Variants in JAKMIP1 observed in about 807,000 individuals in gnomAD.
JAKMIP1 encodes janus kinase and microtubule-interacting protein 1.
A neutral mutation model predicts 113.0 loss-of-function variants in JAKMIP1; 33 were observed. The observed-to-expected ratio is 0.29, with a 90% CI of 0.22 to 0.39. The LOEUF is 0.39. JAKMIP1 is among the 10% of genes least tolerant of loss of function. The pLI is 1.00. For synonymous variants in JAKMIP1, 480 were observed against 459.9 expected (o/e 1.04, Z -0.56); for missense variants, 813 against 1,080.5 (o/e 0.75, Z 3.47).
intron 1 of JAKMIP1, among the ~76,000 whole-genome samples, chr4:6,148,480 A>G (rs1176223843): frequency 6.6e-6 from 1 of 152,240 alleles, no homozygotes; most frequent in Non-Finnish European, 1.5e-5. Flanking sequence ...ACAGGACACC[A>G]CTTGGAATCG....
In JAKMIP1 at chr4:6,044,818, A is replaced by G. The variant is rs949790497; in HGVS notation, c.2029-2591T>C. ...AGAGAGCTGGCCATGAGGACCCCCG[A>G]CCACGTGAGATCAGAAATTTAATAT... On this transcript the variant is annotated intron_variant, in intron 16 of 20. Transcript: ENST00000409021. The surrounding 1 kb of genome is among the most constrained non-coding windows in gnomAD (Gnocchi z 4.4). Among the ~76,000 whole-genome samples the G allele has an allele frequency of 2.0e-5, 3 of 152,346 alleles. No individual in the cohort carries two copies. The highest frequency in any genetic ancestry group is 7.2e-5 in the African/African-American group (3 of 41,584).
At chr4:6,055,467 G>C (rs1376846159) in intron 12 of JAKMIP1, among the ~76,000 whole-genome samples, 1 of 152,246 alleles carries the variant, frequency 6.6e-6, no homozygotes, top group African/African-American at 2.4e-5. Flanking sequence ...TCCACAACCA[G>C]AAAGAGAAGA....
At position 6,112,716 on chromosome 4, in the gene JAKMIP1, C is replaced by T; in HGVS notation, c.129+6G>A. 1 of 1,613,320 alleles carries T rather than the reference C, an allele frequency of 6.2e-7. No homozygotes were observed. The highest frequency in any genetic ancestry group is 1.3e-5 in the African/African-American group (1 of 75,060). ...CAGCCGCTGCTGAGCTGACGCCAAC[C>T]CCCACCTTGCTTTTTTCCTGCTGGA... On this transcript the variant is annotated splice_donor_region_variant and intron_variant, in intron 2 of 20. Transcript: ENST00000409021.
In JAKMIP1 at chr4:6,031,299, G is replaced by T. The variant is rs751485192; in HGVS notation, c.2380-1518C>A. 1.2e-4 allele frequency among the ~76,000 whole-genome samples: 18 copies of T among 152,066 alleles called. No individual in the cohort carries two copies. The highest frequency in any genetic ancestry group is 2.5e-4 in the Non-Finnish European group (17 of 68,004). On this transcript the variant is annotated intron_variant, in intron 19 of 20. Transcript: ENST00000409021. The surrounding 1 kb of genome is among the most constrained non-coding windows in gnomAD (Gnocchi z 4.4). The stretch of plus-strand genomic sequence containing the variant: ...ACAAAAATGAGCCGGGCTTGGTGGT[G>T]CGCTCCTGTAGGGAGGCTGAGACAG...
rs1711774681 is a variant in JAKMIP1 at position 6,026,217 on chromosome 4, C to T, written c.*11G>A. On this transcript the variant is annotated 3_prime_UTR_variant, in exon 21 of 21. Transcript: ENST00000409021. ...AGGATACCAACCCGAGTTCTTGGCT[C>T]ACTGAAGTCATCAAGGCCACAGAAT... 6.5e-7 allele frequency: 1 copy of T among 1,548,802 alleles called. No individual in the cohort carries two copies. Among genetic ancestry groups the T allele is most frequent in the Non-Finnish European group, 8.7e-7 (1 of 1,146,082 alleles).
chr4:6,136,791 C>T lies in JAKMIP1; in HGVS notation c.-147-23794G>A, dbSNP rs1174310488. On this transcript the variant is annotated intron_variant, in intron 1 of 20. Transcript: ENST00000409021. The surrounding 1 kb of genome is among the most constrained non-coding windows in gnomAD (Gnocchi z 5.9). ...TGACCACAACCCACATCGTGGGGGT[C>T]CTGACTACACAGAAAGCCCTCGAGA... Among the ~76,000 whole-genome samples the T allele has an allele frequency of 6.6e-6, 1 of 152,202 alleles. No individual in the cohort carries two copies. Among genetic ancestry groups the T allele is most frequent in the Non-Finnish European group, 1.5e-5 (1 of 68,044 alleles).
chr4:6,129,312 AC>A lies in JAKMIP1; in HGVS notation c.-147-16316del, dbSNP rs1468108271. Reference sequence around the variant, plus strand: ...GTGGTCAGATGCTGGGCGTGGCCCCACCCCATGCCAGCCAGGAACCATTGAT... The same window carrying A: ...GTGGTCAGATGCTGGGCGTGGCCCCACCCATGCCAGCCAGGAACCATTGAT... On this transcript the variant is annotated intron_variant, in intron 1 of 20. Coordinates refer to ENST00000409021, the MANE Select transcript of JAKMIP1 (RefSeq NM_001099433.2). This position sits in a 1 kb window ranked among gnomAD's most constrained non-coding sequence, Gnocchi z 5.4. 2.0e-5 allele frequency among the ~76,000 whole-genome samples: 3 copies of A among 152,166 alleles called. No individual in the cohort carries two copies. Among genetic ancestry groups the A allele is most frequent in the African/African-American group, 7.2e-5 (3 of 41,432 alleles).
intron 8 of JAKMIP1, among the ~76,000 whole-genome samples, chr4:6,077,183 A>G (rs1719798073): frequency 6.6e-6 from 1 of 152,154 alleles, no homozygotes; most frequent in Non-Finnish European, 1.5e-5. Context: ...ATCATTGCAG[A>G]TGTAGTTAAA....
In JAKMIP1 at chr4:6,085,688, C is replaced by T. The variant is rs370155887; in HGVS notation, c.625-59G>A. 9 of 1,535,200 alleles carry T rather than the reference C, an allele frequency of 5.9e-6. No homozygotes were observed. In the African/African-American group the frequency reaches 9.6e-5, roughly 16 times the overall value. ...GGGGCTCATGACCAAGGAAATCTCT[C>T]CCCAAATTGGGGCCTTCGGCCCAGG... On this transcript the variant is annotated intron_variant, in intron 3 of 20. Coordinates refer to ENST00000409021, the MANE Select transcript of JAKMIP1 (RefSeq NM_001099433.2).
rs1349262517 is a variant in JAKMIP1, at chr4:6,055,027, GTCCCAAAT to G, written c.1708-887_1708-880del. Among the ~76,000 whole-genome samples the G allele has an allele frequency of 8.3e-3, 1,270 of 152,170 alleles. 20 individuals are homozygous for G. Among genetic ancestry groups the G allele is most frequent in the African/African-American group, 0.029 (1,221 of 41,496 alleles). ...GTTGCTCGCTGTCCCAAATGCCCTT[GTCCCAAAT>G]GCCCTTGAGAAATGCAGGGAAGGGA... On this transcript the variant is annotated intron_variant, in intron 12 of 20. Transcript: ENST00000409021.
rs1016356442 is a variant in JAKMIP1, at chr4:6,199,826, A to G, written c.-148+427T>C. ...CTACCCTGCGGAAGACACGGAGGGG[A>G]CGGGCCGGCCACACCCCCCGCGCCA... is the stretch of plus-strand genomic sequence containing the variant. On this transcript the variant is annotated intron_variant, in intron 1 of 20. Transcript: ENST00000409021. The surrounding 1 kb of genome is among the most constrained non-coding windows in gnomAD (Gnocchi z 5.6). Among the ~76,000 whole-genome samples, 1 of 150,536 alleles carries G rather than the reference A, an allele frequency of 6.6e-6. No homozygotes were observed. Among genetic ancestry groups the G allele is most frequent in the East Asian group, 2.0e-4 (1 of 5,022 alleles).
chr4:6,174,421 G>A (rs1018918164), intron 1 of JAKMIP1, among the ~76,000 whole-genome samples: 8 of 152,218 alleles, frequency 5.3e-5, no homozygotes, highest in African/African-American at 7.2e-5. Flanking sequence ...AGAAAGGACC[G>A]TGAATCCTTG....
chr4:6,074,543 G>A (rs62284783), intron 8 of JAKMIP1, among the ~76,000 whole-genome samples: 41,528 of 152,124 alleles, frequency 0.27, 6,397 homozygotes, highest in East Asian at 0.56. Flanking sequence ...GTCATCCTGC[G>A]GTACCCATGG....
chr4:6,133,336 A>G (rs1578337123), intron 1 of JAKMIP1, among the ~76,000 whole-genome samples: 1 of 152,372 alleles, frequency 6.6e-6, no homozygotes, highest in East Asian at 1.9e-4. Flanking sequence ...ACGTACAACC[A>G]TAAACATTTT....
chr4:6,098,599 AAAGG>A (rs1712308529), intron 3 of JAKMIP1, among the ~76,000 whole-genome samples: 1 of 149,760 alleles, frequency 6.7e-6, no homozygotes, highest in African/African-American at 2.5e-5. Context: ...AGGAAGAAAG[AAAGG>A]AAGAAAAGAA....
chr4:6,107,581 C>A (rs1225782237), intron 2 of JAKMIP1, among the ~76,000 whole-genome samples: 1 of 152,154 alleles, frequency 6.6e-6, no homozygotes, highest in African/African-American at 2.4e-5. Flanking sequence ...AGACCGAGGT[C>A]CCCTGCGGAA....
intron 1 of JAKMIP1, among the ~76,000 whole-genome samples, chr4:6,165,457 A>G (rs915571028): frequency 1.3e-5 from 2 of 152,122 alleles, no homozygotes; most frequent in East Asian, 1.9e-4. Context: ...GGTGCACACC[A>G]CCACACCTGG....
Position 6,149,115 on chromosome 4 carries a change from G to C in JAKMIP1, c.-147-36118C>G, listed in dbSNP as rs568239877. 2.9e-3 allele frequency among the ~76,000 whole-genome samples: 437 copies of C among 152,338 alleles called. 1 individual carries two copies. Among genetic ancestry groups the C allele is most frequent in the Non-Finnish European group, 4.6e-3 (314 of 68,026 alleles). ...CACTGACTTCGGCCACAGCCTTAGA[G>C]AAGGGCCACTGGGGCTGGACAGCTG... On this transcript the variant is annotated intron_variant, in intron 1 of 20. Coordinates refer to ENST00000409021, the MANE Select transcript of JAKMIP1 (RefSeq NM_001099433.2).
chr4:6,060,026 G>A (rs1201322716), intron 11 of JAKMIP1, among the ~76,000 whole-genome samples: 1 of 152,148 alleles, frequency 6.6e-6, no homozygotes, highest in African/African-American at 2.4e-5. Context: ...GCCAGAGGTG[G>A]GGCCTCTGCA....
Sources: gnomAD v4.1 joint callset for allele counts (sites outside exome capture counted in the v4.1 genomes callset) on GRCh38, gnomAD v4.1.1 for gene constraint, Gnocchi (gnomAD v3.1) non-coding constraint, MANE v1.5 for transcripts, NCBI Gene and HGNC (gene_info 2026-07-23, HGNC 2026-07-21) for gene names.